APAF1: variants seen among roughly 807,000 people sequenced by gnomAD.
APAF1 encodes apoptotic protease-activating factor 1.
Under a neutral mutation model 152.4 loss-of-function variants are expected in APAF1, and 91 were observed. The ratio of observed to expected loss-of-function variants is 0.60; its 90% CI spans 0.50 to 0.71. The LOEUF (loss-of-function observed/expected upper bound fraction) is 0.71, where lower values mean the gene tolerates loss of function less well. APAF1 is among the 30% of genes least tolerant of loss of function. APAF1 has a pLI of 0.00. For missense variants in APAF1, 1,283 were observed against 1,472.0 expected (o/e 0.87, Z 2.10); for synonymous variants, 484 against 494.1 (o/e 0.98, Z 0.27).
intron 16 of APAF1, among the ~76,000 whole-genome samples, chr12:98,689,371 C>T (rs955359505): frequency 7.3e-5 from 11 of 151,582 alleles, no homozygotes; most frequent in Admixed American, 3.9e-4. Context: ...TTTTTGCCTT[C>T]GATTTCACTT....
chr12:98,665,739 A>G lies in APAF1; in HGVS notation c.1142A>G (p.Asp381Gly). ...SVEMLREDIK[D>G]YYTDLSILQK... ...GAAATGCTCAGAGAAGACATCAAAG[A>G]TTATTACACAGATCTTTCCATCCTT... Residue 381 changes from aspartate (D) to glycine (G), a missense_variant, in exon 8 of 27, where the codon GAT becomes GGT. Coordinates refer to ENST00000551964, the MANE Select transcript of APAF1 (RefSeq NM_181861.2). The G allele has an allele frequency of 6.2e-7, 1 of 1,614,134 alleles. No individual in the cohort carries two copies. Among genetic ancestry groups the G allele is most frequent in the Non-Finnish European group, 8.5e-7 (1 of 1,179,986 alleles).
At chr12:98,657,270 C>A (rs1017902352) in intron 4 of APAF1, among the ~76,000 whole-genome samples, 1 of 152,174 alleles carries the variant, frequency 6.6e-6, no homozygotes, top group South Asian at 2.1e-4. Context: ...ACTATCAGTC[C>A]TCTCCTAGAC....
Position 98,648,519 on chromosome 12 carries a change from C to T in APAF1, c.138+22C>T, listed in dbSNP as rs77355388. 747 of 1,610,632 alleles carry T rather than the reference C, an allele frequency of 4.6e-4. 4 individuals carry two copies. In the African/African-American group the frequency reaches 9.0e-3, roughly 19 times the overall value. On this transcript the variant is annotated intron_variant, in intron 2 of 26. Transcript: ENST00000551964. ...TGAGGTAAAGCTCTCTGAAGCAGTCCACACTTCCTTAAAAATTTTTAGAAT... is the reference window on the plus strand; with the variant it reads ...TGAGGTAAAGCTCTCTGAAGCAGTCTACACTTCCTTAAAAATTTTTAGAAT...
chr12:98,720,694 G>A (rs1039360768), intron 22 of APAF1, among the ~76,000 whole-genome samples: 1 of 152,190 alleles, frequency 6.6e-6, no homozygotes, highest in East Asian at 1.9e-4. Context: ...AGCCGGGTGC[G>A]GTGGCTCACG....
chr12:98,653,261 A>G (rs571901754), intron 4 of APAF1, among the ~76,000 whole-genome samples: 1 of 152,260 alleles, frequency 6.6e-6, no homozygotes, highest in African/African-American at 2.4e-5. Flanking sequence ...CTTTTCTTTT[A>G]AAAGTACAGA....
intron 26 of APAF1, among the ~76,000 whole-genome samples, chr12:98,730,398 C>G (rs1182146148): frequency 6.6e-6 from 1 of 152,176 alleles, no homozygotes; most frequent in African/African-American, 2.4e-5. Flanking sequence ...TTCTAGAGAC[C>G]ACATCATTTG....
At chr12:98,667,069 A>G (rs2097673802) in intron 9 of APAF1, among the ~76,000 whole-genome samples, 1 of 151,108 alleles carries the variant, frequency 6.6e-6, no homozygotes. Context: ...TCTGCACTGT[A>G]AAGTCATTAT....
At chr12:98,709,740 C>T (rs1210266912) in intron 20 of APAF1, among the ~76,000 whole-genome samples, 3 of 152,140 alleles carry the variant, frequency 2.0e-5, no homozygotes, top group African/African-American at 7.2e-5. Flanking sequence ...GTGGTAAGAG[C>T]AAGCAGCCAG....
intron 16 of APAF1, among the ~76,000 whole-genome samples, chr12:98,688,465 T>G (rs2097700329): frequency 7.9e-6 from 1 of 127,376 alleles, no homozygotes; most frequent in African/African-American, 3.0e-5. Context: ...ACCACTGTTT[T>G]CTTTCTTTTT....
rs113358917 is a variant in APAF1, at chr12:98,672,564, G to C, written c.1793+845G>C. On this transcript the variant is annotated intron_variant, in intron 12 of 26. Coordinates refer to ENST00000551964, the MANE Select transcript of APAF1 (RefSeq NM_181861.2). ...ATGACCACTGAACCCTGATTATTCT[G>C]TCTCTTAAAGGAGTCTCTTTTGCTC... 7.4e-4 allele frequency among the ~76,000 whole-genome samples: 113 copies of C among 152,000 alleles called. 1 individual carries two copies. Among genetic ancestry groups the C allele is most frequent in the African/African-American group, 2.6e-3 (106 of 41,464 alleles).
chr12:98,650,493 A>T (rs1426690054), intron 4 of APAF1, among the ~76,000 whole-genome samples: 1 of 151,628 alleles, frequency 6.6e-6, no homozygotes, highest in Non-Finnish European at 1.5e-5. Flanking sequence ...TCTCAAAAAA[A>T]AGTTTTTTGT....
At chr12:98,674,304 A>G (rs140473803) in intron 12 of APAF1, among the ~76,000 whole-genome samples, 1 of 152,242 alleles carries the variant, frequency 6.6e-6, no homozygotes, top group African/African-American at 2.4e-5. Context: ...TTTTATTTTA[A>G]ATAATACATT....
intron 4 of APAF1, among the ~76,000 whole-genome samples, chr12:98,655,846 C>T (rs570433331): frequency 1.9e-3 from 295 of 151,570 alleles, no homozygotes; most frequent in Middle Eastern, 0.01. Context: ...TGCAGTGGCG[C>T]GGTCTCGGCT....
In APAF1 at chr12:98,699,580, T is replaced by G; in HGVS notation, c.2466+11T>G. On this transcript the variant is annotated intron_variant, in intron 17 of 26. Coordinates refer to ENST00000551964, the MANE Select transcript of APAF1 (RefSeq NM_181861.2). ...AAAAATAAAATCTTTGTAAGTACTTTAAAAAGCCAACTTCAGTCTGATTTA... is the reference window on the plus strand; with the variant it reads ...AAAAATAAAATCTTTGTAAGTACTTGAAAAAGCCAACTTCAGTCTGATTTA... 6.2e-7 allele frequency: 1 copy of G among 1,613,966 alleles called. No homozygotes were observed. The highest frequency in any genetic ancestry group is 8.5e-7 in the Non-Finnish European group (1 of 1,179,856).
At chr12:98,727,971 AATTAATT>A (rs2097753365) in intron 26 of APAF1, among the ~76,000 whole-genome samples, 1 of 139,846 alleles carries the variant, frequency 7.2e-6, no homozygotes, top group Non-Finnish European at 1.6e-5. Context: ...TAAATAAATT[AATTAATT>A]AATTAATTAA....
intron 16 of APAF1, among the ~76,000 whole-genome samples, chr12:98,697,741 C>T (rs1224371687): frequency 1.3e-5 from 2 of 152,108 alleles, no homozygotes; most frequent in South Asian, 2.1e-4. Flanking sequence ...AAGCAGAGGT[C>T]CTGCAAAATG....
intron 4 of APAF1, among the ~76,000 whole-genome samples, chr12:98,655,369 C>G (rs2097655556): frequency 6.6e-6 from 1 of 151,292 alleles, no homozygotes; most frequent in South Asian, 2.1e-4. Context: ...GGGGTGGTGG[C>G]CGGGCAGAGG....
chr12:98,731,248 C>T (rs1297942777), intron 26 of APAF1, among the ~76,000 whole-genome samples: 1 of 152,200 alleles, frequency 6.6e-6, no homozygotes, highest in Non-Finnish European at 1.5e-5. Flanking sequence ...AACACATAGC[C>T]TCTTCCATTA....
intron 15 of APAF1, 116 bp downstream of exon 15, chr12:98,683,390 A>C: frequency 9.6e-7 from 1 of 1,043,310 alleles, no homozygotes; most frequent in East Asian, 2.4e-5. Context: ...GATAGAAACT[A>C]CAATAATATA....
Sources: allele counts gnomAD v4.1 joint callset (sites outside exome capture counted in the v4.1 genomes callset), GRCh38; gene constraint gnomAD v4.1.1; transcripts MANE v1.5; gene names NCBI Gene and HGNC (gene_info 2026-07-23, HGNC 2026-07-21).